CFAP45: variants seen among roughly 807,000 people sequenced by gnomAD.
CFAP45 encodes the protein cilia and flagella associated protein 45.
Under a neutral mutation model 75.6 loss-of-function variants are expected in CFAP45, and 43 were observed. The ratio of observed to expected loss-of-function variants is 0.57; its 90% CI spans 0.45 to 0.73. The LOEUF is 0.73. CFAP45 is among the 30% of genes least tolerant of loss of function. CFAP45 has a pLI of 0.00. For synonymous variants in CFAP45, 223 were observed against 244.6 expected (o/e 0.91, Z 0.82); for missense variants, 689 against 701.5 (o/e 0.98, Z 0.20).
chr1:159,886,746 G>C (rs1454379396), intron 5 of CFAP45, 57 bp from the exon 6 acceptor site: 7 of 1,421,280 alleles, frequency 4.9e-6, no homozygotes, highest in Non-Finnish European at 7.0e-6. Context: ...AGTTTAAGGG[G>C]AAGAAATGGA....
chr1:159,886,321 G>A (rs186796277), intron 6 of CFAP45, among the ~76,000 whole-genome samples, 190 bp downstream of exon 6: 254 of 150,928 alleles, frequency 1.7e-3, no homozygotes, highest in Non-Finnish European at 1.8e-3. Context: ...GAGCCTGGGC[G>A]ACAGAGTGAG....
intron 6 of CFAP45, among the ~76,000 whole-genome samples, chr1:159,885,329 C>A (rs530605017): frequency 6.6e-6 from 1 of 152,306 alleles, no homozygotes; most frequent in African/African-American, 2.4e-5. Flanking sequence ...ACTCAGTAAC[C>A]TTTCACTGGG....
rs868364104 is a variant in CFAP45 at position 159,879,961 on chromosome 1, A to C, written c.1044+593T>G. On this transcript the variant is annotated intron_variant, in intron 8 of 11. Transcript: ENST00000368099. ...TCTTAAAAGCCTTCTTCTACTCTCC[A>C]ATCCCCGTAGATCCCAATCATTTTA... is the stretch of plus-strand genomic sequence containing the variant. Among the ~76,000 whole-genome samples, 4 of 152,158 alleles carry C rather than the reference A, an allele frequency of 2.6e-5. No homozygotes were observed. The South Asian group carries it at 8.3e-4, about 32-fold the overall frequency.
intron 1 of CFAP45, among the ~76,000 whole-genome samples, chr1:159,895,918 A>G (rs1462553716): frequency 6.6e-6 from 1 of 152,240 alleles, no homozygotes; most frequent in Non-Finnish European, 1.5e-5. Flanking sequence ...AGCAATGTGC[A>G]TTTGATGAAG....
intron 1 of CFAP45, among the ~76,000 whole-genome samples, chr1:159,899,444 C>CTGG (rs1035691760): frequency 2.3e-5 from 2 of 86,042 alleles, no homozygotes; most frequent in African/African-American, 5.8e-5. Context: ...GACCCATTAT[C>CTGG]TGGCCTCCTC....
intron 8 of CFAP45, among the ~76,000 whole-genome samples, chr1:159,879,844 G>T (rs539169752): frequency 2.8e-4 from 42 of 152,318 alleles, no homozygotes; most frequent in African/African-American, 9.9e-4. Context: ...GGGCAGACAA[G>T]ATCAACACAT....
chr1:159,882,497 A>C (rs1649571190), intron 7 of CFAP45, among the ~76,000 whole-genome samples: 1 of 152,180 alleles, frequency 6.6e-6, no homozygotes, highest in African/African-American at 2.4e-5. Context: ...AAGCCCTTCC[A>C]AAGCAACCCC....
At chr1:159,890,702 G>T in intron 2 of CFAP45, 80 bp from the exon 3 acceptor site, 1 of 1,269,926 alleles carries the variant, frequency 7.9e-7, no homozygotes, top group Non-Finnish European at 1.1e-6. Flanking sequence ...GGATAGAGCA[G>T]CGTGATGCCC....
intron 1 of CFAP45, among the ~76,000 whole-genome samples, chr1:159,899,798 A>G (rs373363594): frequency 4.0e-5 from 6 of 151,812 alleles, no homozygotes; most frequent in East Asian, 3.9e-4. Flanking sequence ...CACATCCACA[A>G]TCTTTGGTCC....
chr1:159,891,014 C>T (rs1327686523), intron 2 of CFAP45, among the ~76,000 whole-genome samples: 2 of 152,188 alleles, frequency 1.3e-5, no homozygotes, highest in Non-Finnish European at 2.9e-5. Flanking sequence ...CCGCCTGGGC[C>T]TCCCAAAGTG....
At chr1:159,886,250 G>A (rs1177950133) in intron 6 of CFAP45, among the ~76,000 whole-genome samples, 1 of 151,950 alleles carries the variant, frequency 6.6e-6, no homozygotes, top group Non-Finnish European at 1.5e-5. Flanking sequence ...TGAAGCAGGA[G>A]AATCGCTTGA....
At position 159,884,345 on chromosome 1, in the gene CFAP45, G is replaced by A. The variant is rs1571183829; in HGVS notation, c.897+91C>T. On this transcript the variant is annotated intron_variant, in intron 7 of 11. Transcript: ENST00000368099. ...TTGTGAAATGAGCATGTGCCTGGCA[G>A]AAAATCAGTCAACACCCTGAAACCC... The A allele has an allele frequency of 2.9e-6, 4 of 1,368,032 alleles. No homozygotes were observed. The African/African-American group carries it at 4.4e-5, about 15-fold the overall frequency. 84.7% of individuals were successfully genotyped at this position (1,368,032 alleles called of 1,614,324 possible).
intron 7 of CFAP45, among the ~76,000 whole-genome samples, chr1:159,882,442 T>C (rs1649569632): frequency 6.6e-6 from 1 of 152,196 alleles, no homozygotes; most frequent in Non-Finnish European, 1.5e-5. Flanking sequence ...TTTTGTTGGC[T>C]CATTTCAATT....
chr1:159,880,984 T>C (rs968436998), intron 7 of CFAP45, among the ~76,000 whole-genome samples: 1 of 152,212 alleles, frequency 6.6e-6, no homozygotes, highest in Non-Finnish European at 1.5e-5. Context: ...TCCATACAAT[T>C]GCCTCTCACA....
intron 1 of CFAP45, among the ~76,000 whole-genome samples, chr1:159,895,532 T>C (rs1649933443): frequency 6.6e-6 from 1 of 152,230 alleles, no homozygotes; most frequent in Admixed American, 6.5e-5. Flanking sequence ...GTGCTGTACA[T>C]TGAACAATGC....
At chr1:159,887,021 T>G (rs1420498484) in intron 5 of CFAP45, among the ~76,000 whole-genome samples, 1 of 152,122 alleles carries the variant, frequency 6.6e-6, no homozygotes, top group East Asian at 1.9e-4. Flanking sequence ...TAAAACTCAC[T>G]TATACATGTA....
chr1:159,888,674 G>A (rs1649753507), intron 3 of CFAP45, among the ~76,000 whole-genome samples, 178 bp from the exon 4 acceptor site: 1 of 152,190 alleles, frequency 6.6e-6, no homozygotes, highest in Non-Finnish European at 1.5e-5. Flanking sequence ...TGGGGGGTCA[G>A]GTAGCATTGA....
chr1:159,894,055 G>A (rs1264642712), intron 1 of CFAP45, among the ~76,000 whole-genome samples: 1 of 152,136 alleles, frequency 6.6e-6, no homozygotes, highest in African/African-American at 2.4e-5. Flanking sequence ...ATTACACAAT[G>A]TATATACATG....
At chr1:159,891,809 A>T (rs1220472751) in intron 2 of CFAP45, among the ~76,000 whole-genome samples, 1 of 151,886 alleles carries the variant, frequency 6.6e-6, no homozygotes, top group Non-Finnish European at 1.5e-5. Context: ...GACTTCCTGA[A>T]CTCTTACCCA....
Sources: gnomAD v4.1 joint callset for allele counts (sites outside exome capture counted in the v4.1 genomes callset) on GRCh38, gnomAD v4.1.1 for gene constraint, MANE v1.5 for transcripts, NCBI Gene and HGNC (gene_info 2026-07-23, HGNC 2026-07-21) for gene names.